Variants in MROH9 observed in about 807,000 individuals in gnomAD.
The protein encoded by MROH9 is maestro heat-like repeat-containing protein family member 9.
A neutral mutation model predicts 98.2 loss-of-function variants in MROH9; 92 were observed. The observed-to-expected ratio is 0.94, with a 90% CI of 0.79 to 1.11. The LOEUF (loss-of-function observed/expected upper bound fraction) is 1.11, where lower values mean the gene tolerates loss of function less well. Among genes scored for constraint, MROH9 ranks in the 50% most tolerant of loss-of-function variants. The probability of loss-of-function intolerance (pLI) is 0.00; values close to 1 mark genes in which losing one functional copy is unlikely to be tolerated. For missense variants in MROH9, 1,057 were observed against 1,014.8 expected, an observed-to-expected ratio of 1.04 and a Z score of -0.57; for synonymous variants, 397 against 368.9, an observed-to-expected ratio of 1.08 and a Z score of -0.87.
Position 171,045,152 on chromosome 1 carries a change from C to T in MROH9, c.2282-16980C>T, listed in dbSNP as rs539648004. 1.7e-4 allele frequency among the ~76,000 whole-genome samples: 25 copies of T among 151,386 alleles called. No individual in the cohort carries two copies. In the East Asian group the frequency reaches 4.9e-3, roughly 30 times the overall value. ...AGTAGCTGGGACTACAGGCGCCCGC[C>T]ACCACGCCCGGTTAATTTTTTCTAT... On this transcript the variant is annotated intron_variant, in intron 20 of 21. Coordinates refer to ENST00000367759, the MANE Select transcript of MROH9 (RefSeq NM_001163629.2).
At chr1:171,041,376 T>TGTGTGC (rs1274069692) in intron 20 of MROH9, among the ~76,000 whole-genome samples, 2 of 113,786 alleles carry the variant, frequency 1.8e-5, no homozygotes, top group East Asian at 5.8e-4. Flanking sequence ...TGTGTGTGTG[T>TGTGTGC]GTGTGTGTGT....
intron 20 of MROH9, among the ~76,000 whole-genome samples, chr1:171,034,701 T>C (rs933560877): frequency 6.6e-6 from 1 of 152,156 alleles, no homozygotes; most frequent in South Asian, 2.1e-4. Flanking sequence ...TCATAGATCT[T>C]GATAAGTTGA....
At chr1:170,938,428 T>G (rs185571955) in intron 1 of MROH9, among the ~76,000 whole-genome samples, 1 of 152,210 alleles carries the variant, frequency 6.6e-6, no homozygotes, top group Non-Finnish European at 1.5e-5. Flanking sequence ...CATATTCAGT[T>G]TTCCGGAGAA....
At position 171,000,399 on chromosome 1, in the gene MROH9, T is replaced by C. The variant is rs141737842; in HGVS notation, c.1596+2125T>C. Among the ~76,000 whole-genome samples, 966 of 152,270 alleles carry C rather than the reference T, an allele frequency of 6.3e-3. 17 individuals carry two copies. Among genetic ancestry groups the C allele is most frequent in the African/African-American group, 0.021 (893 of 41,578 alleles). On this transcript the variant is annotated intron_variant, in intron 15 of 21. Transcript: ENST00000367759. Reference sequence around the variant, plus strand: ...TTTTTCATAGATGGCTTTTATTACATTAAGCTATGTCCCTTGTATGCCGAT... The same window carrying C: ...TTTTTCATAGATGGCTTTTATTACACTAAGCTATGTCCCTTGTATGCCGAT...
chr1:171,013,998 T>C, intron 15 of MROH9, 119 bp from the exon 16 acceptor site: 1 of 760,952 alleles, frequency 1.3e-6, no homozygotes, highest in South Asian at 1.9e-5. Context: ...GAAATATATG[T>C]ATTTGATGTT....
chr1:170,953,055 T>G (rs1649616453), intron 3 of MROH9, among the ~76,000 whole-genome samples: 1 of 152,110 alleles, frequency 6.6e-6, no homozygotes, highest in Non-Finnish European at 1.5e-5. Flanking sequence ...TCAAATTCCT[T>G]CCAGAATTTC....
intron 3 of MROH9, among the ~76,000 whole-genome samples, chr1:170,948,822 A>G (rs112516255): frequency 9.6e-4 from 146 of 152,210 alleles, no homozygotes; most frequent in Non-Finnish European, 1.7e-3. Context: ...AAAGTGAAGT[A>G]CATTCCAAGA....
chr1:170,980,221 C>T (rs977902963), intron 8 of MROH9, among the ~76,000 whole-genome samples: 12 of 151,892 alleles, frequency 7.9e-5, no homozygotes, highest in Admixed American at 3.9e-4. Flanking sequence ...ATTCTTCACA[C>T]GATTAGAAAA....
intron 20 of MROH9, among the ~76,000 whole-genome samples, chr1:171,061,017 CA>C (rs1653994058): frequency 6.6e-6 from 1 of 152,034 alleles, no homozygotes; most frequent in Non-Finnish European, 1.5e-5. Flanking sequence ...AAAACGTCTA[CA>C]AGTAACTAAG....
chr1:171,021,340 T>G (rs1033456912), intron 17 of MROH9, among the ~76,000 whole-genome samples: 4 of 152,070 alleles, frequency 2.6e-5, no homozygotes, highest in Admixed American at 1.3e-4. Context: ...GAAGACATCA[T>G]GGTACCTGAC....
intron 20 of MROH9, among the ~76,000 whole-genome samples, chr1:171,031,757 A>AG (rs1428707688): frequency 6.6e-6 from 1 of 152,088 alleles, no homozygotes; most frequent in Non-Finnish European, 1.5e-5. Flanking sequence ...TATGTGTCTC[A>AG]GGGTTGATCT....
intron 20 of MROH9, among the ~76,000 whole-genome samples, chr1:171,035,992 C>A (rs1653086885): frequency 6.6e-6 from 1 of 152,104 alleles, no homozygotes; most frequent in African/African-American, 2.4e-5. Flanking sequence ...ATAACCCAAT[C>A]CTCCAAATCA....
intron 20 of MROH9, among the ~76,000 whole-genome samples, chr1:171,057,630 A>G (rs1044458724): frequency 6.6e-6 from 1 of 152,092 alleles, no homozygotes; most frequent in Admixed American, 6.5e-5. Flanking sequence ...CCATTAAGAT[A>G]CTCCACAAGA....
At chr1:171,021,422 A>G (rs1446422010) in intron 17 of MROH9, among the ~76,000 whole-genome samples, 1 of 152,188 alleles carries the variant, frequency 6.6e-6, no homozygotes, top group East Asian at 1.9e-4. Context: ...ATATAGACCA[A>G]CGAAACAGAA....
chr1:170,971,892 A>G lies in MROH9; in HGVS notation c.616+9A>G, dbSNP rs10489246. On this transcript the variant is annotated intron_variant, in intron 8 of 21. Coordinates refer to ENST00000367759, the MANE Select transcript of MROH9 (RefSeq NM_001163629.2). ...TGCACGGTGTCAGAACGGTAAGAAC[A>G]GTTCACCATCTTTTCTCAGGATTAC... 7.2e-3 allele frequency: 11,539 copies of G among 1,612,484 alleles called. 675 individuals are homozygous for G. The African/African-American group carries it at 0.13, about 18-fold the overall frequency.
intron 5 of MROH9, among the ~76,000 whole-genome samples, chr1:170,960,072 T>A (rs6695676): frequency 2.0e-5 from 3 of 152,098 alleles, no homozygotes; most frequent in Non-Finnish European, 2.9e-5. Flanking sequence ...GTGGAGAGAA[T>A]GTACAACACT....
intron 8 of MROH9, among the ~76,000 whole-genome samples, chr1:170,983,056 C>T (rs1311887933): frequency 1.3e-5 from 2 of 152,202 alleles, no homozygotes; most frequent in Non-Finnish European, 2.9e-5. Flanking sequence ...CCCTGGTCTA[C>T]CACTCCTCAG....
intron 20 of MROH9, among the ~76,000 whole-genome samples, chr1:171,057,266 A>G (rs567582030): frequency 2.6e-5 from 4 of 152,230 alleles, no homozygotes; most frequent in Non-Finnish European, 5.9e-5. Context: ...TTAGAGAGGA[A>G]CAGAAATGAC....
intron 20 of MROH9, among the ~76,000 whole-genome samples, chr1:171,041,606 T>C (rs1423270889): frequency 6.6e-6 from 1 of 151,740 alleles, no homozygotes; most frequent in Admixed American, 6.6e-5. Context: ...ATTGGTGGAT[T>C]GAATGGTAGT....
Sources: allele counts gnomAD v4.1 joint callset (sites outside exome capture counted in the v4.1 genomes callset), GRCh38; gene constraint gnomAD v4.1.1; transcripts MANE v1.5; gene names NCBI Gene and HGNC (gene_info 2026-07-23, HGNC 2026-07-21).